Variants in CACNA1C observed in about 807,000 individuals in gnomAD.
CACNA1C encodes the protein voltage-dependent L-type calcium channel subunit alpha-1C.
Under a neutral mutation model 229.0 loss-of-function variants are expected in CACNA1C, and 30 were observed. That is an observed-to-expected ratio of 0.13 (90% CI 0.10 to 0.18). CACNA1C has a LOEUF of 0.18. Ranked by LOEUF, CACNA1C falls within the 10% of genes least tolerant of loss-of-function variation. The pLI, the probability that CACNA1C is intolerant of heterozygous loss-of-function variation, is 1.00. For missense variants in CACNA1C, 1,658 were observed against 2,845.0 expected, an observed-to-expected ratio of 0.58 and a Z score of 9.49; for synonymous variants, 1,114 against 1,132.5, an observed-to-expected ratio of 0.98 and a Z score of 0.33.
At chr12:2,631,272 C>G (rs1269482845) in intron 29 of CACNA1C, among the ~76,000 whole-genome samples, 1 of 152,170 alleles carries the variant, frequency 6.6e-6, no homozygotes, top group Non-Finnish European at 1.5e-5. Flanking sequence ...ACCTTCCTCT[C>G]TCTCCTCCTC....
intron 3 of CACNA1C, 128 bp downstream of exon 3, chr12:2,120,558 T>C: frequency 1.4e-6 from 1 of 710,562 alleles, no homozygotes; most frequent in South Asian, 1.6e-5. Context: ...CCTGCAGAGC[T>C]CACATCCCGA....
chr12:2,450,159 A>G (rs2099347361), intron 4 of CACNA1C, among the ~76,000 whole-genome samples: 1 of 152,234 alleles, frequency 6.6e-6, no homozygotes, highest in African/African-American at 2.4e-5. Flanking sequence ...TAAAATGTAG[A>G]AGAGATCTCC....
intron 3 of CACNA1C, among the ~76,000 whole-genome samples, chr12:2,236,213 C>T (rs2067291874): frequency 1.3e-5 from 2 of 152,172 alleles, no homozygotes; most frequent in Admixed American, 6.5e-5. Context: ...TCTGGGGATC[C>T]TGGTAAAATG....
At chr12:2,352,462 T>C (rs1470828466) in intron 3 of CACNA1C, among the ~76,000 whole-genome samples, 1 of 152,260 alleles carries the variant, frequency 6.6e-6, no homozygotes, top group African/African-American at 2.4e-5. Context: ...TTTGAAGACC[T>C]TCACAAGACA....
At chr12:2,587,062 T>C (rs564762047) in intron 18 of CACNA1C, among the ~76,000 whole-genome samples, 11 of 152,320 alleles carry the variant, frequency 7.2e-5, no homozygotes, top group Non-Finnish European at 1.5e-4. Flanking sequence ...TGGGGGAAAT[T>C]GAATATGGAC....
intron 1 of CACNA1C, among the ~76,000 whole-genome samples, chr12:1,981,346 A>G (rs1046054821): frequency 6.6e-6 from 1 of 152,240 alleles, no homozygotes; most frequent in African/African-American, 2.4e-5. Flanking sequence ...GCTTTGAATA[A>G]AGAAATCCAA....
At chr12:2,498,233 A>C (rs2099751316) in intron 7 of CACNA1C, among the ~76,000 whole-genome samples, 1 of 152,160 alleles carries the variant, frequency 6.6e-6, no homozygotes, top group Non-Finnish European at 1.5e-5. Flanking sequence ...GAGCTGAGAA[A>C]CCCTCAAGTA....
At chr12:2,450,570 A>AC (rs2099359652) in intron 4 of CACNA1C, among the ~76,000 whole-genome samples, 2 of 149,620 alleles carry the variant, frequency 1.3e-5, no homozygotes, top group East Asian at 3.9e-4. Context: ...AAAAAAAAAA[A>AC]AAAAAAAACG....
chr12:2,322,419 G>C (rs1273133601), intron 3 of CACNA1C, among the ~76,000 whole-genome samples: 2 of 152,210 alleles, frequency 1.3e-5, no homozygotes, highest in Non-Finnish European at 2.9e-5. Flanking sequence ...GCCACCGTGG[G>C]AGACTCCCAA....
At chr12:2,638,479 G>A (rs900416754) in intron 30 of CACNA1C, among the ~76,000 whole-genome samples, 12 of 152,124 alleles carry the variant, frequency 7.9e-5, no homozygotes, top group African/African-American at 2.9e-4. Flanking sequence ...AGCAAGAAGG[G>A]GACATACTGG....
intron 3 of CACNA1C, among the ~76,000 whole-genome samples, chr12:2,143,782 T>C (rs1433288456): frequency 1.3e-5 from 2 of 151,172 alleles, no homozygotes; most frequent in Admixed American, 6.7e-5. Context: ...ACCATTCATG[T>C]GGGGCTTCCT....
At chr12:2,273,578 G>A (rs1052621719) in intron 3 of CACNA1C, among the ~76,000 whole-genome samples, 1 of 152,202 alleles carries the variant, frequency 6.6e-6, no homozygotes, top group African/African-American at 2.4e-5. Context: ...TTGGAGATGG[G>A]GAGAGGCATG....
intron 3 of CACNA1C, among the ~76,000 whole-genome samples, chr12:2,127,576 C>T (rs913844837): frequency 1.3e-5 from 2 of 152,174 alleles, no homozygotes; most frequent in Non-Finnish European, 2.9e-5. Flanking sequence ...TACAAACACC[C>T]TGTCCTGTGC....
chr12:2,265,191 CCTT>C (rs953823266), intron 3 of CACNA1C, among the ~76,000 whole-genome samples: 10 of 152,274 alleles, frequency 6.6e-5, no homozygotes, highest in African/African-American at 2.4e-4. Context: ...GTGATGCTGA[CCTT>C]CTGCACAGGC....
chr12:2,035,586 C>T (rs1187070082), intron 1 of CACNA1C, among the ~76,000 whole-genome samples: 1 of 152,258 alleles, frequency 6.6e-6, no homozygotes, highest in African/African-American at 2.4e-5. Flanking sequence ...GCCTCCCACG[C>T]TGTGTAAGTG....
intron 3 of CACNA1C, among the ~76,000 whole-genome samples, chr12:2,365,160 C>T (rs888372567): frequency 6.6e-6 from 1 of 152,254 alleles, no homozygotes; most frequent in Non-Finnish European, 1.5e-5. Flanking sequence ...AATTATGGAG[C>T]GTGTGTAGGG....
At chr12:2,586,793 TC>T (rs1385759633) in intron 18 of CACNA1C, among the ~76,000 whole-genome samples, 2 of 152,198 alleles carry the variant, frequency 1.3e-5, no homozygotes, top group Non-Finnish European at 2.9e-5. Flanking sequence ...GGAACCAGAC[TC>T]CCTGTGGTCA....
At position 2,597,322 on chromosome 12, in the gene CACNA1C, C is replaced by A; in HGVS notation, c.2853+33C>A. The A allele has an allele frequency of 6.4e-7, 1 of 1,553,554 alleles. No individual in the cohort carries two copies. Among genetic ancestry groups the A allele is most frequent in the Non-Finnish European group, 8.9e-7 (1 of 1,125,050 alleles). ...CCCCATCCCCTTCTGCTCCTCCTGTCCCCCTTGTGCCAGCACCAGGTCTCT... is the reference window on the plus strand; with the variant it reads ...CCCCATCCCCTTCTGCTCCTCCTGTACCCCTTGTGCCAGCACCAGGTCTCT... On this transcript the variant is annotated intron_variant, in intron 21 of 46. Transcript: ENST00000399655. The surrounding 1 kb of genome is among the most constrained non-coding windows in gnomAD (Gnocchi z 4.3).
At chr12:2,441,761 A>T (rs183406241) in intron 3 of CACNA1C, among the ~76,000 whole-genome samples, 4 of 152,352 alleles carry the variant, frequency 2.6e-5, no homozygotes, top group African/African-American at 7.2e-5. Flanking sequence ...CTGGTCAGTA[A>T]TAGGTAGCTG....
Sources: allele counts gnomAD v4.1 joint callset (sites outside exome capture counted in the v4.1 genomes callset), GRCh38; gene constraint gnomAD v4.1.1; non-coding constraint Gnocchi (gnomAD v3.1); transcripts MANE v1.5; gene names NCBI Gene and HGNC (gene_info 2026-07-23, HGNC 2026-07-21).